Variants in MRTFA observed in about 807,000 individuals in gnomAD.
MRTFA encodes myocardin related transcription factor A.
MRTFA carries 20 observed loss-of-function variants against 83.5 expected under a neutral mutation model. That is an observed-to-expected ratio of 0.24 (90% confidence interval 0.17 to 0.35). The LOEUF is 0.35. MRTFA is among the 10% of genes least tolerant of loss of function. The pLI is 1.00. For missense variants in MRTFA, 1,200 were observed against 1,224.7 expected (o/e 0.98, Z 0.30); for synonymous variants, 659 against 541.2 (o/e 1.22, Z -3.02).
At chr22:40,541,740 C>A (rs1411744514) in intron 3 of MRTFA, among the ~76,000 whole-genome samples, 2 of 152,074 alleles carry the variant, frequency 1.3e-5, no homozygotes, top group Non-Finnish European at 2.9e-5. Flanking sequence ...GGTCTCGGCT[C>A]ACTGTAATCT....
chr22:40,594,402 TGTAAA>T (rs2056162499), intron 2 of MRTFA, among the ~76,000 whole-genome samples: 1 of 152,164 alleles, frequency 6.6e-6, no homozygotes, highest in Non-Finnish European at 1.5e-5. Flanking sequence ...TGGGTACATG[TGTAAA>T]TTCATGGTTC....
At chr22:40,427,094 A>C (rs2052969616) in intron 7 of MRTFA, among the ~76,000 whole-genome samples, 1 of 152,206 alleles carries the variant, frequency 6.6e-6, no homozygotes, top group African/African-American at 2.4e-5. Flanking sequence ...CATCTTTGTG[A>C]CATCAGGACT....
In MRTFA at chr22:40,447,221, G is replaced by A. The variant is rs148706494; in HGVS notation, c.308-11667C>T. Among the ~76,000 whole-genome samples, 922 of 151,990 alleles carry A rather than the reference G, an allele frequency of 6.1e-3. 5 individuals carry two copies. The highest frequency in any genetic ancestry group is 0.015 in the South Asian group (71 of 4,814). On this transcript the variant is annotated intron_variant, in intron 4 of 14. Coordinates refer to ENST00000355630, the MANE Select transcript of MRTFA (RefSeq NM_020831.6). ...AAATACAAAAATTAGGCATGGTGGC[G>A]CGCACCTGTAGTCCGATCTATTTGG...
chr22:40,549,210 T>A (rs2055410352), intron 3 of MRTFA, among the ~76,000 whole-genome samples: 1 of 151,962 alleles, frequency 6.6e-6, no homozygotes, highest in African/African-American at 2.4e-5. Context: ...GATTACATTC[T>A]CCCCACTTAC....
At chr22:40,598,935 T>C (rs538974443) in intron 1 of MRTFA, among the ~76,000 whole-genome samples, 1 of 134,472 alleles carries the variant, frequency 7.4e-6, no homozygotes, top group Middle Eastern at 4.2e-3. Flanking sequence ...AGGCTGGAGG[T>C]TGCGGTGAGT....
At chr22:40,413,342 ATT>A (rs113118987) in intron 14 of MRTFA, among the ~76,000 whole-genome samples, 2,298 of 136,722 alleles carry the variant, frequency 0.017, 45 homozygotes, top group Middle Eastern at 0.056. Flanking sequence ...TTTTACCACA[ATT>A]TTTTTTTTTT....
chr22:40,545,454 A>G (rs2055347769), intron 3 of MRTFA, among the ~76,000 whole-genome samples: 3 of 149,890 alleles, frequency 2.0e-5, no homozygotes, highest in South Asian at 4.2e-4. Context: ...TTTTGAGATG[A>G]AGTCTTGCTC....
intron 1 of MRTFA, among the ~76,000 whole-genome samples, chr22:40,606,755 A>C (rs1045709620): frequency 1.3e-5 from 2 of 152,200 alleles, no homozygotes; most frequent in African/African-American, 2.4e-5. Context: ...ACCACCAGAA[A>C]GAAGCTCTGA....
At chr22:40,486,374 T>C (rs768808109) in intron 3 of MRTFA, among the ~76,000 whole-genome samples, 18 of 152,230 alleles carry the variant, frequency 1.2e-4, no homozygotes, top group Admixed American at 2.6e-4. Flanking sequence ...CCAAGCTCGG[T>C]TGAACATTTT....
chr22:40,508,698 G>C (rs985569298), intron 3 of MRTFA, among the ~76,000 whole-genome samples: 14 of 146,510 alleles, frequency 9.6e-5, no homozygotes, highest in Non-Finnish European at 9.1e-5. Context: ...TGTGGTTTGA[G>C]GGTACTTTTT....
chr22:40,449,527 CT>C (rs2053448380), intron 4 of MRTFA, among the ~76,000 whole-genome samples: 1 of 152,182 alleles, frequency 6.6e-6, no homozygotes, highest in South Asian at 2.1e-4. Flanking sequence ...ATTCCTAGGC[CT>C]TAAGAATAAT....
chr22:40,427,163 G>T (rs1484629701), intron 7 of MRTFA, among the ~76,000 whole-genome samples: 1 of 152,236 alleles, frequency 6.6e-6, no homozygotes, highest in Non-Finnish European at 1.5e-5. Context: ...GTGGCTGGCT[G>T]CAGCATCCAG....
At chr22:40,468,486 C>T (rs772483361) in intron 3 of MRTFA, among the ~76,000 whole-genome samples, 2 of 152,136 alleles carry the variant, frequency 1.3e-5, no homozygotes, top group African/African-American at 2.4e-5. Context: ...AATCTTTTGC[C>T]CAGCTAAGTC....
intron 9 of MRTFA, among the ~76,000 whole-genome samples, chr22:40,422,672 G>A (rs1005966862): frequency 1.3e-5 from 2 of 152,238 alleles, no homozygotes; most frequent in African/African-American, 2.4e-5. Context: ...GTGCAGAGGC[G>A]GGACTGGGGA....
At chr22:40,531,264 T>C (rs1346401557) in intron 3 of MRTFA, among the ~76,000 whole-genome samples, 1 of 140,792 alleles carries the variant, frequency 7.1e-6, no homozygotes, top group Non-Finnish European at 1.6e-5. Context: ...ATACCTGGCT[T>C]TTTTTTTTTT....
intron 1 of MRTFA, among the ~76,000 whole-genome samples, chr22:40,627,262 T>C (rs1602512344): frequency 1.3e-5 from 2 of 152,190 alleles, no homozygotes; most frequent in Non-Finnish European, 2.9e-5. Context: ...TACAAGTGCA[T>C]GTCACCATGC....
chr22:40,451,975 GTTTTTTTTT>G (rs771103539), intron 4 of MRTFA, among the ~76,000 whole-genome samples: 5 of 80,478 alleles, frequency 6.2e-5, no homozygotes, highest in Admixed American at 3.1e-4. Flanking sequence ...TTTTTTTTTG[GTTTTTTTTT>G]TTTTTTTTTT....
chr22:40,591,123 G>A (rs1468151427), intron 2 of MRTFA, among the ~76,000 whole-genome samples: 2 of 152,082 alleles, frequency 1.3e-5, no homozygotes, highest in Non-Finnish European at 2.9e-5. Context: ...GACAGAGCGA[G>A]ACTCCGTCTC....
chr22:40,534,901 A>G (rs886843971), intron 3 of MRTFA, among the ~76,000 whole-genome samples: 1 of 152,256 alleles, frequency 6.6e-6, no homozygotes, highest in African/African-American at 2.4e-5. Flanking sequence ...TAAAAGCAGT[A>G]GGAGACCTTA....
Sources: allele counts gnomAD v4.1 joint callset (sites outside exome capture counted in the v4.1 genomes callset), GRCh38; gene constraint gnomAD v4.1.1; transcripts MANE v1.5; gene names NCBI Gene and HGNC (gene_info 2026-07-23, HGNC 2026-07-21).